GBP4: variants seen among roughly 807,000 people sequenced by gnomAD.
The protein encoded by GBP4 is guanylate-binding protein 4.
In GBP4, 69 loss-of-function variants were observed where a neutral mutation model predicts 62.2. The ratio of observed to expected loss-of-function variants is 1.11; its 90% CI spans 0.91 to 1.36. The LOEUF is 1.36. Among genes scored for constraint, GBP4 ranks in the 40% most tolerant of loss-of-function variants. The probability of loss-of-function intolerance (pLI) is 0.00; values close to 1 mark genes in which losing one functional copy is unlikely to be tolerated. For missense variants in GBP4, 697 were observed against 759.3 expected (o/e 0.92, Z 0.96); for synonymous variants, 278 against 274.6 (o/e 1.01, Z -0.12).
intron 5 of GBP4, 81 bp from the exon 6 acceptor site, chr1:89,191,587 C>T (rs1648190823): frequency 6.6e-6 from 9 of 1,361,426 alleles, no homozygotes; most frequent in Non-Finnish European, 9.1e-6. Context: ...GGGATCTTTG[C>T]ATCCCTGCAG....
chr1:89,188,768 G>C lies in GBP4; in HGVS notation c.1224C>G (p.Asp408Glu). The change falls in exon 8 of 11, where the codon GAC becomes GAG. Residue 408 changes from aspartate (D) to glutamate (E), a missense_variant. Asp to Glu is a conservative substitution (Grantham distance 45). Around this residue, in one of 2 missense-constraint regions of GBP4, gnomAD observed 556 missense variants for 562.7 expected, o/e 0.99. Coordinates refer to ENST00000355754, the MANE Select transcript of GBP4 (RefSeq NM_052941.5). ...LVDTIEKKKG[D>E]FVLQNEEASA... is the part of the protein sequence containing the mutation. ...ATGCCTCTTCATTCTGCAGCACAAAGTCTCCCTTCTTTTTCTCTATGGTGT... is the reference window on the plus strand; with the variant it reads ...ATGCCTCTTCATTCTGCAGCACAAACTCTCCCTTCTTTTTCTCTATGGTGT... 1 of 1,614,244 alleles carries C rather than the reference G, an allele frequency of 6.2e-7. No homozygotes were observed. The highest frequency in any genetic ancestry group is 8.5e-7 in the Non-Finnish European group (1 of 1,180,038).
In GBP4 at chr1:89,188,655, C is replaced by T. The variant is rs1267085152; in HGVS notation, c.1337G>A (p.Gly446Glu). ...CTTTTCTTCTAAGTAGAGATTGTGT[C>T]CTCCAGGAACAGAGAAAATTCCTCT... ...ILRGIFSVPG[G>E]HNLYLEEKKQ... Residue 446 changes from glycine (G) to glutamate (E), a missense_variant, in exon 8 of 11, where the codon GGA (glycine) becomes GAA (glutamate). Physicochemically the swap from Gly to Glu is moderately conservative, Grantham distance 98 (BLOSUM62 -2). This residue lies in a region of GBP4 where 556 missense variants were observed against 562.7 expected (regional missense o/e 0.99). Coordinates refer to ENST00000355754, the MANE Select transcript of GBP4 (RefSeq NM_052941.5). 3 of 1,614,060 alleles carry T rather than the reference C, an allele frequency of 1.9e-6. No individual in the cohort carries two copies.
Position 89,191,403 on chromosome 1 carries a change from C to G in GBP4, c.774G>C (p.Lys258Asn), listed in dbSNP as rs1361294472. 6.2e-7 allele frequency: 1 copy of G among 1,614,222 alleles called. No individual in the cohort carries two copies. The change falls in exon 6 of 11, where the codon AAG becomes AAC. Residue 258 changes from lysine (K) to asparagine (N), a missense_variant. Coordinates refer to ENST00000355754, the MANE Select transcript of GBP4 (RefSeq NM_052941.5). ...CTTCGTCCATATGATTTAAATATTG[C>G]TTGTCATTTGTAGGCCGGTCAAAGA... is the stretch of plus-strand genomic sequence containing the variant. ...CFVFDRPTND[K>N]QYLNHMDEVP...
rs761722501 is a variant in GBP4, at chr1:89,193,311, C to A, written c.465G>T (p.Glu155Asp). 6.2e-7 allele frequency: 1 copy of A among 1,613,940 alleles called. No homozygotes were observed. The highest frequency in any genetic ancestry group is 1.7e-5 in the Admixed American group (1 of 60,028). Residue 155 changes from glutamate (E) to aspartate (D), a missense_variant, in exon 4 of 11, where the codon GAG becomes GAT. Glu to Asp is a conservative substitution (Grantham distance 45). Coordinates refer to ENST00000355754, the MANE Select transcript of GBP4 (RefSeq NM_052941.5). ...SVSTINHQAL[E>D]QLHYVTELAE... ...ACTTCCCAGAAGGATACTGCAGCTG[C>A]TCCAGGGCCTGGTGGTTGATGGTGC...
Position 89,190,297 on chromosome 1 carries a change from G to A in GBP4, c.938C>T (p.Thr313Ile). The stretch of plus-strand genomic sequence containing the variant: ...TCCACTGTTGATGGCATCTACATAA[G>A]TCACCACCAGAGTCCCCAGCCCTGA... ...TGKRLGTLVV[T>I]YVDAINSGAV... Residue 313 changes from threonine to isoleucine, a missense_variant, in exon 7 of 11, where the codon ACT becomes ATT. By Grantham distance (89) the Thr-to-Ile change is moderately conservative. Around this residue, in one of 2 missense-constraint regions of GBP4, gnomAD observed 556 missense variants for 562.7 expected, o/e 0.99. Coordinates refer to ENST00000355754, the MANE Select transcript of GBP4 (RefSeq NM_052941.5). 1 of 1,608,672 alleles carries A rather than the reference G, an allele frequency of 6.2e-7. No homozygotes were observed. Among genetic ancestry groups the A allele is most frequent in the Non-Finnish European group, 8.5e-7 (1 of 1,175,576 alleles).
chr1:89,194,913 G>A (rs1228435655), intron 3 of GBP4, among the ~76,000 whole-genome samples: 1 of 151,992 alleles, frequency 6.6e-6, no homozygotes, highest in Non-Finnish European at 1.5e-5. Flanking sequence ...TCTCTAAGTC[G>A]AATGACTGAA....
chr1:89,190,561 C>T (rs607131), intron 6 of GBP4, among the ~76,000 whole-genome samples: 122,827 of 151,968 alleles, frequency 0.81, 50,416 homozygotes, highest in African/African-American at 0.95. Flanking sequence ...ATTAAATTAC[C>T]CATTGCAACC....
chr1:89,186,941 G>T, intron 9 of GBP4, 59 bp downstream of exon 9: 1 of 1,450,792 alleles, frequency 6.9e-7, no homozygotes, highest in Non-Finnish European at 9.6e-7. Context: ...AGTGTGATCA[G>T]CAAGAAGGCA....
chr1:89,195,941 G>A (rs6695891), intron 2 of GBP4, among the ~76,000 whole-genome samples: 5,291 of 152,300 alleles, frequency 0.035, 311 homozygotes, highest in African/African-American at 0.12. Context: ...AAGGCTTTAT[G>A]TTACTGAATT....
At position 89,191,478 on chromosome 1, in the gene GBP4, G is replaced by GTTTGAAT. The variant is rs1648187539; in HGVS notation, c.692_698dup (p.Asn233LysfsTer6). On this transcript the variant is annotated frameshift_variant, in exon 6 of 11. Transcript: ENST00000355754. LOFTEE classifies it high-confidence loss of function. The stretch of plus-strand genomic sequence containing the variant: ...AATGCCTGATACACTCTCTAGGCAT[G>GTTTGAAT]TTTGAATTTTGAATTTTGGGATTCT... The GTTTGAAT allele has an allele frequency of 1.2e-6, 2 of 1,612,692 alleles. No individual in the cohort carries two copies. Among genetic ancestry groups the GTTTGAAT allele is most frequent in the African/African-American group, 1.3e-5 (1 of 75,012 alleles).
rs1334567858 is a variant in GBP4, at chr1:89,181,511, A to C, written c.*3743T>G. On this transcript the variant is annotated 3_prime_UTR_variant, in exon 11 of 11. Coordinates refer to ENST00000355754, the MANE Select transcript of GBP4 (RefSeq NM_052941.5). ...GCTTGGGCTCAGAGGCCTGACATTT[A>C]GTATATTTACTAAATAGATATAAAA... 6.6e-6 allele frequency: 1 copy of C among 152,348 alleles called. No homozygotes were observed. 9.4% of individuals were successfully genotyped at this position (152,348 alleles called of 1,614,324 possible). A position where few individuals can be genotyped will look rare whatever the true frequency, so the allele number is the denominator to read the frequency against.
In GBP4 at chr1:89,190,240, G is replaced by A; in HGVS notation, c.995C>T (p.Ala332Val). 1 of 1,614,128 alleles carries A rather than the reference G, an allele frequency of 6.2e-7. No individual in the cohort carries two copies. The highest frequency in any genetic ancestry group is 8.5e-7 in the Non-Finnish European group (1 of 1,180,012). ...AVPCLENAVT[A>V]LAQLENPAAV... ...CGCTGGGTTCTCAAGCTGGGCCAGT[G>A]CTGTCACTGCATTCTCCAGACAAGG... Residue 332 changes from alanine (A) to valine (V), a missense_variant, in exon 7 of 11, where the codon GCA becomes GTA. Around this residue, in one of 2 missense-constraint regions of GBP4, gnomAD observed 556 missense variants for 562.7 expected, o/e 0.99. Coordinates refer to ENST00000355754, the MANE Select transcript of GBP4 (RefSeq NM_052941.5).
At position 89,198,684 on chromosome 1, in the gene GBP4, C is replaced by T. The variant is rs540994255; in HGVS notation, c.40+111G>A. 6 of 931,678 alleles carry T rather than the reference C, an allele frequency of 6.4e-6. No homozygotes were observed. The African/African-American group carries it at 8.1e-5, about 13-fold the overall frequency. The allele number at this position is 931,678 out of a possible 1,614,324, so 57.7% of individuals were successfully genotyped here. A position where few individuals can be genotyped will look rare whatever the true frequency, so the allele number is the denominator to read the frequency against. On this transcript the variant is annotated intron_variant, in intron 1 of 10. Coordinates refer to ENST00000355754, the MANE Select transcript of GBP4 (RefSeq NM_052941.5). Reference sequence around the variant, plus strand: ...AGGTTCCTCCACTGCCTTTGTCACCCGCCAGTGTGAAGTCTCCAACCCTCC... The same window carrying T: ...AGGTTCCTCCACTGCCTTTGTCACCTGCCAGTGTGAAGTCTCCAACCCTCC...
chr1:89,198,596 A>G lies in GBP4; in HGVS notation c.40+199T>C, dbSNP rs1399909680. ...TCTGGTCGCCGCCTGTGGACCGTCT[A>G]GAGACGCTGGGCCACACGGAGCAAA... On this transcript the variant is annotated intron_variant, in intron 1 of 10. Transcript: ENST00000355754. The G allele has an allele frequency of 9.8e-5, 58 of 594,410 alleles. No individual in the cohort carries two copies. The Admixed American group carries it at 1.6e-3, about 16-fold the overall frequency. 36.8% of individuals were successfully genotyped at this position (594,410 alleles called of 1,614,324 possible).
In GBP4 at chr1:89,181,672, C is replaced by A. The variant is rs550185285; in HGVS notation, c.*3582G>T. The A allele has an allele frequency of 3.1e-4, 47 of 152,148 alleles. 1 individual carries two copies. The highest frequency in any genetic ancestry group is 2.9e-3 in the Admixed American group (45 of 15,294). 9.4% of individuals were successfully genotyped at this position (152,148 alleles called of 1,614,324 possible). On this transcript the variant is annotated 3_prime_UTR_variant, in exon 11 of 11. Coordinates refer to ENST00000355754, the MANE Select transcript of GBP4 (RefSeq NM_052941.5). The stretch of plus-strand genomic sequence containing the variant: ...ATTTTGATATACAATTCCAACAGAT[C>A]ACTCTCACTAGCCAATATGAGACAC...
rs760265579 is a variant in GBP4, at chr1:89,186,379, T to G, written c.1661A>C (p.Glu554Ala). 5 of 1,566,240 alleles carry G rather than the reference T, an allele frequency of 3.2e-6. No homozygotes were observed. The African/African-American group carries it at 6.7e-5, about 21-fold the overall frequency. ...QMEKKLEEER[E>A]NLLREHERLL... ...CCTTTCATGCTCTCTGAGAAGGTTT[T>G]CCCTTTCCTCCTCCAACTTCTTCTC... is the stretch of plus-strand genomic sequence containing the variant. The change falls in exon 10 of 11, where the codon GAA becomes GCA. Residue 554 changes from glutamate (E) to alanine (A), a missense_variant. Physicochemically the swap from Glu to Ala is moderately radical, Grantham distance 107 (BLOSUM62 -1). Around this residue, in one of 2 missense-constraint regions of GBP4, gnomAD observed 141 missense variants for 196.6 expected, o/e 0.72. Coordinates refer to ENST00000355754, the MANE Select transcript of GBP4 (RefSeq NM_052941.5).
intron 3 of GBP4, 67 bp from the exon 4 acceptor site, chr1:89,193,479 G>C: frequency 7.5e-7 from 1 of 1,341,038 alleles, no homozygotes; most frequent in African/African-American, 1.4e-5. Flanking sequence ...TCATTTGGTT[G>C]TTCATTAGCT....
chr1:89,198,331 G>A (rs1412598650), intron 1 of GBP4, among the ~76,000 whole-genome samples: 1 of 151,964 alleles, frequency 6.6e-6, no homozygotes, highest in African/African-American at 2.4e-5. Context: ...GGTGGGTAAG[G>A]GGCTGCAAGT....
intron 1 of GBP4, among the ~76,000 whole-genome samples, chr1:89,198,321 G>T (rs1459589201): frequency 6.6e-6 from 1 of 152,002 alleles, no homozygotes; most frequent in African/African-American, 2.4e-5. Flanking sequence ...TGAGGAAGCG[G>T]GTGGGTAAGG....
Sources: gnomAD v4.1 joint callset for allele counts (sites outside exome capture counted in the v4.1 genomes callset) on GRCh38, gnomAD v4.1.1 for gene constraint, gnomAD v4.1.1 regional missense constraint, MANE v1.5 for transcripts, NCBI Gene and HGNC (gene_info 2026-07-23, HGNC 2026-07-21) for gene names.